Variants in FRMD4A observed in about 807,000 individuals in gnomAD.
FRMD4A encodes FERM domain-containing protein 4A.
In FRMD4A, 29 loss-of-function variants were observed where a neutral mutation model predicts 129.1. The observed-to-expected ratio is 0.22, with a 90% CI of 0.17 to 0.31. The LOEUF is 0.31. FRMD4A is among the 10% of genes least tolerant of loss of function. The pLI, the probability that FRMD4A is intolerant of heterozygous loss-of-function variation, is 1.00. For synonymous variants in FRMD4A, 634 were observed against 571.6 expected (o/e 1.11, Z -1.56); for missense variants, 1,272 against 1,375.8 (o/e 0.92, Z 1.19).
intron 2 of FRMD4A, among the ~76,000 whole-genome samples, chr10:13,896,545 G>A (rs935829613): frequency 7.9e-5 from 12 of 152,092 alleles, no homozygotes; most frequent in African/African-American, 1.2e-4. Flanking sequence ...GGGAGGGAAA[G>A]CATTAGGACA....
At chr10:14,109,980 A>C (rs1339102163) in intron 2 of FRMD4A, among the ~76,000 whole-genome samples, 1 of 148,688 alleles carries the variant, frequency 6.7e-6, no homozygotes, top group East Asian at 2.0e-4. Flanking sequence ...CCCTCCCCCA[A>C]ACCCACCAAA....
At chr10:13,797,833 A>G (rs1196615133) in intron 4 of FRMD4A, among the ~76,000 whole-genome samples, 1 of 151,940 alleles carries the variant, frequency 6.6e-6, no homozygotes, top group Non-Finnish European at 1.5e-5. Flanking sequence ...ACATGCTTAA[A>G]CCTCCAACAA....
chr10:13,650,574 G>A (rs1021916355), intron 24 of FRMD4A, among the ~76,000 whole-genome samples: 1 of 152,128 alleles, frequency 6.6e-6, no homozygotes, highest in African/African-American at 2.4e-5. Context: ...GGGAGAAAAA[G>A]GCCATTCTTC....
chr10:14,102,762 GA>G (rs1339685664), intron 2 of FRMD4A, among the ~76,000 whole-genome samples: 3 of 45,608 alleles, frequency 6.6e-5, no homozygotes, highest in African/African-American at 1.3e-4. Flanking sequence ...GAGTCTTGAA[GA>G]TAGTGAGAAA....
At chr10:14,224,426 A>G (rs1383247335) in intron 2 of FRMD4A, among the ~76,000 whole-genome samples, 1 of 152,210 alleles carries the variant, frequency 6.6e-6, no homozygotes, top group Non-Finnish European at 1.5e-5. Flanking sequence ...GCTGTGGTTT[A>G]GTTGACTTTG....
At chr10:13,945,656 A>C (rs2095326077) in intron 2 of FRMD4A, among the ~76,000 whole-genome samples, 1 of 152,204 alleles carries the variant, frequency 6.6e-6, no homozygotes, top group Non-Finnish European at 1.5e-5. Flanking sequence ...TCCGCCTCTC[A>C]CAAAGTGTGT....
chr10:13,749,258 G>A (rs1383023446), intron 8 of FRMD4A, among the ~76,000 whole-genome samples: 3 of 152,216 alleles, frequency 2.0e-5, no homozygotes, highest in Non-Finnish European at 4.4e-5. Context: ...TATGTTAGCA[G>A]CTTCGAGGTT....
At chr10:14,314,203 C>G (rs1213475442) in intron 2 of FRMD4A, among the ~76,000 whole-genome samples, 2 of 152,130 alleles carry the variant, frequency 1.3e-5, no homozygotes, top group African/African-American at 4.8e-5. Context: ...AGGAACTGGT[C>G]CAAAATAACC....
At chr10:14,242,977 G>C (rs1844102687) in intron 2 of FRMD4A, among the ~76,000 whole-genome samples, 1 of 152,148 alleles carries the variant, frequency 6.6e-6, no homozygotes, top group Admixed American at 6.5e-5. Context: ...TTAAAAGGTG[G>C]AAGTAAACTT....
At chr10:13,773,092 A>C (rs548816744) in intron 6 of FRMD4A, among the ~76,000 whole-genome samples, 1 of 152,324 alleles carries the variant, frequency 6.6e-6, no homozygotes, top group African/African-American at 2.4e-5. Flanking sequence ...CTATGTACCC[A>C]CAACAATTAA....
At chr10:14,000,830 A>G (rs538470170) in intron 2 of FRMD4A, among the ~76,000 whole-genome samples, 1 of 152,116 alleles carries the variant, frequency 6.6e-6, no homozygotes, top group Non-Finnish European at 1.5e-5. Context: ...TTGATCTTAA[A>G]TAGCCTGGAA....
At chr10:13,811,643 T>A (rs2130877041) in intron 3 of FRMD4A, among the ~76,000 whole-genome samples, 1 of 151,524 alleles carries the variant, frequency 6.6e-6, no homozygotes, top group Non-Finnish European at 1.5e-5. Context: ...TCATGGTAGA[T>A]GTTTGTATTG....
chr10:13,916,224 G>C (rs895903962), intron 2 of FRMD4A, among the ~76,000 whole-genome samples: 2 of 152,194 alleles, frequency 1.3e-5, no homozygotes, highest in African/African-American at 4.8e-5. Flanking sequence ...GTCTCAGGGA[G>C]CCCCGCTCAG....
chr10:13,681,451 T>C (rs2084576881), intron 15 of FRMD4A, among the ~76,000 whole-genome samples: 1 of 149,214 alleles, frequency 6.7e-6, no homozygotes, highest in Admixed American at 6.7e-5. Flanking sequence ...GAGAAAACAG[T>C]AGCTAAGTGC....
At chr10:14,112,883 C>G (rs10906598) in intron 2 of FRMD4A, among the ~76,000 whole-genome samples, 20,731 of 152,200 alleles carry the variant, frequency 0.14, 1,675 homozygotes, top group Non-Finnish European at 0.19. Flanking sequence ...TCCAACTCCC[C>G]CTTCCCTCAA....
intron 2 of FRMD4A, among the ~76,000 whole-genome samples, chr10:14,084,919 C>T (rs185598780): frequency 4.5e-4 from 69 of 152,322 alleles, no homozygotes; most frequent in African/African-American, 1.4e-3. Flanking sequence ...CCCGCATGGC[C>T]CTGTGTGGCG....
chr10:13,716,864 T>C (rs1245088404), intron 12 of FRMD4A, among the ~76,000 whole-genome samples: 2 of 152,238 alleles, frequency 1.3e-5, no homozygotes, highest in Non-Finnish European at 2.9e-5. Context: ...TGTGTGTATT[T>C]TGGCTTTTCT....
In FRMD4A at chr10:13,650,130, C is replaced by T. The variant is rs144080911; in HGVS notation, c.*2+1773G>A. 2.0e-3 allele frequency among the ~76,000 whole-genome samples: 311 copies of T among 152,320 alleles called. 2 individuals are homozygous for T. The highest frequency in any genetic ancestry group is 7.0e-3 in the African/African-American group (291 of 41,570). On this transcript the variant is annotated intron_variant, in intron 24 of 24. Coordinates refer to ENST00000357447, the MANE Select transcript of FRMD4A (RefSeq NM_018027.5). ...GATACCAGACAGATGGCAAATTCACCCACATCTCACAGGGTTTTGTGGTTT... is the reference window on the plus strand; with the variant it reads ...GATACCAGACAGATGGCAAATTCACTCACATCTCACAGGGTTTTGTGGTTT...
chr10:14,094,358 C>G (rs1051176378), intron 2 of FRMD4A, among the ~76,000 whole-genome samples: 1 of 152,154 alleles, frequency 6.6e-6, no homozygotes, highest in African/African-American at 2.4e-5. Context: ...TTAACGAGAC[C>G]CCCTGGGGGA....
Sources: allele counts gnomAD v4.1 joint callset (sites outside exome capture counted in the v4.1 genomes callset), GRCh38; gene constraint gnomAD v4.1.1; transcripts MANE v1.5; gene names NCBI Gene and HGNC (gene_info 2026-07-23, HGNC 2026-07-21).